IL1RAPL2: variants seen among roughly 807,000 people sequenced by gnomAD.
IL1RAPL2 encodes interleukin 1 receptor accessory protein like 2.
IL1RAPL2 carries 3 observed loss-of-function variants against 44.1 expected under a neutral mutation model. The observed-to-expected ratio is 0.07, with a 90% CI of 0.03 to 0.18. The LOEUF is 0.18. Among genes scored for constraint, IL1RAPL2 ranks in the 10% least tolerant of loss-of-function variants. IL1RAPL2 has a pLI of 1.00. For missense variants in IL1RAPL2, 391 were observed against 496.4 expected (o/e 0.79, Z 2.02); for synonymous variants, 181 against 178.8 (o/e 1.01, Z -0.10).
chrX:105,518,487 T>C (rs887254348), intron 6 of IL1RAPL2, among the ~76,000 whole-genome samples: 8 of 112,006 alleles, frequency 7.1e-5, no homozygotes, highest in African/African-American at 2.6e-4. Flanking sequence ...TGACTTGCTG[T>C]GCATCTGCTG....
At position 105,413,207 on chromosome X, in the gene IL1RAPL2, G is replaced by C. The variant is rs560645670; in HGVS notation, c.698-71106G>C. Among the ~76,000 whole-genome samples, 8 of 111,629 alleles carry C rather than the reference G, an allele frequency of 7.2e-5. No individual in the cohort carries two copies. The South Asian group carries it at 3.0e-3, about 42-fold the overall frequency. ...AACATTGTGCTAATGTCGATAACAT[G>C]GGTTTTTTTCCCCATGTGGTAAACA... On this transcript the variant is annotated intron_variant, in intron 5 of 10. Coordinates refer to ENST00000372582, the MANE Select transcript of IL1RAPL2 (RefSeq NM_017416.2).
intron 6 of IL1RAPL2, among the ~76,000 whole-genome samples, chrX:105,641,491 C>T (rs1483593439): frequency 1.8e-5 from 2 of 111,762 alleles, no homozygotes; most frequent in African/African-American, 3.3e-5. Flanking sequence ...AGGCTGGATA[C>T]AGGCAGATTT....
At chrX:104,632,301 C>G (rs1375272621) in intron 1 of IL1RAPL2, among the ~76,000 whole-genome samples, 6 of 111,380 alleles carry the variant, frequency 5.4e-5, no homozygotes, top group Admixed American at 4.8e-4. Flanking sequence ...GTTCTTTTGG[C>G]TTAGGATTGA....
At chrX:105,399,580 C>A (rs2035591180) in intron 5 of IL1RAPL2, among the ~76,000 whole-genome samples, 1 of 111,107 alleles carries the variant, frequency 9.0e-6, no homozygotes, top group South Asian at 3.7e-4. Context: ...GACACAAAGT[C>A]TGGCATATAA....
chrX:105,184,792 AT>A (rs781979666), intron 2 of IL1RAPL2, among the ~76,000 whole-genome samples: 208 of 111,640 alleles, frequency 1.9e-3, no homozygotes, highest in Middle Eastern at 5.2e-3. Context: ...TTGAAAAAAA[AT>A]GTAATGAATT....
chrX:104,727,545 A>T lies in IL1RAPL2; in HGVS notation c.82+68550A>T, dbSNP rs113358435. Among the ~76,000 whole-genome samples, 343 of 111,556 alleles carry T rather than the reference A, an allele frequency of 3.1e-3. 2 individuals are homozygous for T. Among genetic ancestry groups the T allele is most frequent in the African/African-American group, 0.011 (326 of 30,783 alleles). ...TATGTAGATTTCTTTAAGAACTAAA[A>T]ATTGAACTGCCATTTGATCCAGCAA... On this transcript the variant is annotated intron_variant, in intron 2 of 10. Transcript: ENST00000372582.
intron 5 of IL1RAPL2, chrX:105,406,128 C>T (rs199777653): frequency 2.5e-6 from 3 of 1,184,732 alleles, no homozygotes; most frequent in Non-Finnish European, 2.3e-6. Flanking sequence ...ATACTCTTGA[C>T]TTAAATGTGT....
At chrX:104,578,285 A>G (rs1195849760) in intron 1 of IL1RAPL2, among the ~76,000 whole-genome samples, 5 of 112,302 alleles carry the variant, frequency 4.5e-5, no homozygotes, top group African/African-American at 1.6e-4. Flanking sequence ...TGATAGGGGC[A>G]TGTGAAAAGA....
intron 6 of IL1RAPL2, among the ~76,000 whole-genome samples, chrX:105,659,423 C>G (rs1030472206): frequency 2.7e-5 from 3 of 110,267 alleles, no homozygotes; most frequent in Non-Finnish European, 5.7e-5. Context: ...TTTGGGAGGC[C>G]GAGGCGGGCG....
intron 2 of IL1RAPL2, among the ~76,000 whole-genome samples, chrX:105,036,330 T>C (rs1415288233): frequency 9.0e-6 from 1 of 111,689 alleles, no homozygotes; most frequent in African/African-American, 3.3e-5. Context: ...ATCAAGATCA[T>C]ACAGCTAGTT....
At chrX:104,600,986 ATG>A (rs2148000243) in intron 1 of IL1RAPL2, among the ~76,000 whole-genome samples, 1 of 111,719 alleles carries the variant, frequency 9.0e-6, no homozygotes, top group African/African-American at 3.2e-5. Flanking sequence ...ATGTGAATTC[ATG>A]TGTCTTTTTG....
intron 6 of IL1RAPL2, among the ~76,000 whole-genome samples, chrX:105,700,679 A>C (rs901531719): frequency 9.0e-6 from 1 of 110,577 alleles, no homozygotes; most frequent in African/African-American, 3.3e-5. Flanking sequence ...TTACTGCTTC[A>C]GTATTTCTTT....
chrX:105,250,514 C>A (rs1270748269), intron 4 of IL1RAPL2, among the ~76,000 whole-genome samples: 1 of 110,149 alleles, frequency 9.1e-6, no homozygotes, highest in Non-Finnish European at 1.9e-5. Flanking sequence ...CCTGTACTTT[C>A]TGCACAATTT....
chrX:105,655,942 T>A (rs2147845118), intron 6 of IL1RAPL2, among the ~76,000 whole-genome samples: 1 of 112,219 alleles, frequency 8.9e-6, no homozygotes, highest in South Asian at 3.7e-4. Flanking sequence ...TCCATCCCCT[T>A]ATGCACTTAT....
At chrX:105,037,753 T>G (rs2147757075) in intron 2 of IL1RAPL2, among the ~76,000 whole-genome samples, 1 of 112,049 alleles carries the variant, frequency 8.9e-6, no homozygotes, top group East Asian at 2.8e-4. Flanking sequence ...CTCTCTCTTC[T>G]ATTAAATAGG....
intron 2 of IL1RAPL2, among the ~76,000 whole-genome samples, chrX:105,005,734 A>T (rs1427617750): frequency 9.0e-6 from 1 of 110,745 alleles, no homozygotes; most frequent in East Asian, 2.9e-4. Flanking sequence ...AATAGTCAAT[A>T]TCTAGTCATT....
chrX:104,959,746 C>G (rs2029969643), intron 2 of IL1RAPL2, among the ~76,000 whole-genome samples: 1 of 111,058 alleles, frequency 9.0e-6, no homozygotes, highest in Non-Finnish European at 1.9e-5. Flanking sequence ...TTCATTCACT[C>G]TAGCTTGACA....
chrX:104,993,965 GT>G (rs1465963882), intron 2 of IL1RAPL2, among the ~76,000 whole-genome samples: 1 of 111,564 alleles, frequency 9.0e-6, no homozygotes, highest in Non-Finnish European at 1.9e-5. Context: ...GGTATTCTGG[GT>G]TCAGAGCCAA....
chrX:104,874,285 T>C (rs185576462), intron 2 of IL1RAPL2, among the ~76,000 whole-genome samples: 21 of 101,373 alleles, frequency 2.1e-4, no homozygotes, highest in Non-Finnish European at 2.7e-4. Flanking sequence ...TATTCCTCTC[T>C]CTCTCTCTCT....
Sources: gnomAD v4.1 joint callset for allele counts (sites outside exome capture counted in the v4.1 genomes callset) on GRCh38, gnomAD v4.1.1 for gene constraint, MANE v1.5 for transcripts, NCBI Gene and HGNC (gene_info 2026-07-23, HGNC 2026-07-21) for gene names.